PRELID2: variants seen among roughly 807,000 people sequenced by gnomAD.
PRELID2 encodes the protein PRELI domain-containing protein 2.
Under a neutral mutation model 28.4 loss-of-function variants are expected in PRELID2, and 25 were observed. That is an observed-to-expected ratio of 0.88 (90% confidence interval 0.64 to 1.23). The LOEUF (loss-of-function observed/expected upper bound fraction) is 1.23. Ranked by LOEUF, PRELID2 falls within the 50% of genes most tolerant of loss-of-function variation. The pLI, the probability that PRELID2 is intolerant of heterozygous loss-of-function variation, is 0.00. For synonymous variants in PRELID2, 76 were observed against 71.6 expected (o/e 1.06, Z -0.31); for missense variants, 201 against 214.4 (o/e 0.94, Z 0.39).
chr5:145,343,001 G>A, the PRELID2 span, among the ~76,000 whole-genome samples: 1 of 150,240 alleles, frequency 6.7e-6, no homozygotes, highest in Non-Finnish European at 1.5e-5. Context: ...TCCAACACTA[G>A]AATACCTAGA....
At chr5:145,789,053 T>G (rs1752193456) in intron 5 of PRELID2, among the ~76,000 whole-genome samples, 1 of 152,148 alleles carries the variant, frequency 6.6e-6, no homozygotes. Context: ...GAATTAATAT[T>G]GCTAACTTAT....
the PRELID2 span, among the ~76,000 whole-genome samples, chr5:145,367,787 C>T: frequency 4.6e-5 from 7 of 151,760 alleles, no homozygotes; most frequent in South Asian, 2.1e-4. Flanking sequence ...GGCTTGATAG[C>T]GCATGTCTTT....
At position 145,784,925 on chromosome 5, in the gene PRELID2, T is replaced by C. The variant is rs150986935; in HGVS notation, c.474+11517A>G. ...GAATGATTTTATCTTACTTGCACTT[T>C]AATTAAAAATTGAAAATGAATATTT... On this transcript the variant is annotated intron_variant, in intron 5 of 6. Coordinates refer to ENST00000683046, the MANE Select transcript of PRELID2 (RefSeq NM_205846.3). Among the ~76,000 whole-genome samples, 16 of 152,236 alleles carry C rather than the reference T, an allele frequency of 1.1e-4. No homozygotes were observed. The East Asian group carries it at 2.5e-3, about 24-fold the overall frequency.
At chr5:145,818,959 G>A (rs1015469252) in intron 3 of PRELID2, among the ~76,000 whole-genome samples, 4 of 152,068 alleles carry the variant, frequency 2.6e-5, no homozygotes, top group African/African-American at 7.2e-5. Flanking sequence ...ACTGAATCAC[G>A]GGGGCGGGTT....
At chr5:145,658,708 C>T (rs1754436961) in intron 1 of PRELID2, among the ~76,000 whole-genome samples, 1 of 152,198 alleles carries the variant, frequency 6.6e-6, no homozygotes, top group African/African-American at 2.4e-5. Context: ...GCCAATGCTG[C>T]TGCCATGATT....
At chr5:145,617,018 T>C (rs1192328301) in intron 1 of PRELID2, among the ~76,000 whole-genome samples, 2 of 152,240 alleles carry the variant, frequency 1.3e-5, no homozygotes, top group Admixed American at 1.3e-4. Flanking sequence ...AATTCAGTGG[T>C]ATTTCTCCCA....
intron 1 of PRELID2, among the ~76,000 whole-genome samples, chr5:145,528,505 T>A (rs896498945): frequency 1.9e-4 from 29 of 151,820 alleles, no homozygotes; most frequent in African/African-American, 6.3e-4. Context: ...AGAGAGCACA[T>A]ACATGCAAAG....
chr5:145,665,537 A>G (rs1466539402), intron 1 of PRELID2, among the ~76,000 whole-genome samples: 1 of 152,066 alleles, frequency 6.6e-6, no homozygotes, highest in East Asian at 1.9e-4. Context: ...TAACACTCAT[A>G]TCTAATCACA....
chr5:145,699,296 G>C lies in PRELID2; in HGVS notation n.70+65635C>G, dbSNP rs141437287. The stretch of plus-strand genomic sequence containing the variant: ...GCCTTGCTGCAATGTTCACATGTCA[G>C]AACGCTGAGGATTTGGGAAAACTGG... On this transcript the variant is annotated intron_variant and non_coding_transcript_variant, in intron 1 of 2. Coordinates refer to the PRELID2 transcript ENST00000510259. Among the ~76,000 whole-genome samples the C allele has an allele frequency of 1.7e-4, 26 of 152,222 alleles. 1 individual carries two copies. Among genetic ancestry groups the C allele is most frequent in the Middle Eastern group, 3.4e-3 (1 of 294 alleles).
the PRELID2 span, among the ~76,000 whole-genome samples, chr5:145,425,135 A>G: frequency 6.6e-6 from 1 of 152,168 alleles, no homozygotes; most frequent in Non-Finnish European, 1.5e-5. Flanking sequence ...AGACATACGT[A>G]TGGCCAAGAA....
chr5:145,316,028 T>C, the PRELID2 span, among the ~76,000 whole-genome samples: 2 of 152,218 alleles, frequency 1.3e-5, no homozygotes, highest in South Asian at 4.1e-4. Context: ...GGAAATACTA[T>C]ATAATGGTGG....
At chr5:145,336,420 G>A in the PRELID2 span, among the ~76,000 whole-genome samples, 1 of 151,640 alleles carries the variant, frequency 6.6e-6, no homozygotes, top group African/African-American at 2.4e-5. Flanking sequence ...TAACGTTTAA[G>A]TCTTTAATCC....
intron 1 of PRELID2, among the ~76,000 whole-genome samples, chr5:145,833,079 A>T (rs1413363620): frequency 1.3e-5 from 2 of 152,192 alleles, no homozygotes; most frequent in Non-Finnish European, 2.9e-5. Flanking sequence ...ACATTTTTCT[A>T]GCACTTAACA....
At chr5:145,332,666 T>G in the PRELID2 span, among the ~76,000 whole-genome samples, 1 of 152,056 alleles carries the variant, frequency 6.6e-6, no homozygotes, top group South Asian at 2.1e-4. Flanking sequence ...TAGCAATTCT[T>G]CTAACCTTTT....
At position 145,514,874 on chromosome 5, in the gene PRELID2, A is replaced by G. The variant is rs149737516; in HGVS notation, n.71-41559T>C. 1.7e-3 allele frequency among the ~76,000 whole-genome samples: 259 copies of G among 152,354 alleles called. 2 individuals are homozygous for G. The highest frequency in any genetic ancestry group is 0.015 in the East Asian group (77 of 5,190). ...AACTCACTCAAAACCGCACAACTACATGGAAACTGAACAACCTGCTCCTGA... is the reference window on the plus strand; with the variant it reads ...AACTCACTCAAAACCGCACAACTACGTGGAAACTGAACAACCTGCTCCTGA... On this transcript the variant is annotated intron_variant and non_coding_transcript_variant, in intron 1 of 2. Coordinates refer to the PRELID2 transcript ENST00000510259.
chr5:145,521,866 T>G (rs887485730), intron 1 of PRELID2, among the ~76,000 whole-genome samples: 1 of 152,192 alleles, frequency 6.6e-6, no homozygotes, highest in Non-Finnish European at 1.5e-5. Flanking sequence ...ATTTACCATA[T>G]AGATAGAAAG....
At chr5:145,713,555 T>TTATATATACTTTATATATATACACTAAAG (rs1561554246) in intron 1 of PRELID2, among the ~76,000 whole-genome samples, 84 of 142,114 alleles carry the variant, frequency 5.9e-4, no homozygotes, top group African/African-American at 1.5e-3. Context: ...TATATACTTT[T>TTATATATACTTTATATATATACACTAAAG]TATATATACT....
intron 1 of PRELID2, among the ~76,000 whole-genome samples, chr5:145,549,019 C>G (rs1192355865): frequency 6.6e-6 from 1 of 152,202 alleles, no homozygotes; most frequent in Non-Finnish European, 1.5e-5. Flanking sequence ...CCCCAATACT[C>G]TTCTCCTGTC....
the PRELID2 span, among the ~76,000 whole-genome samples, chr5:145,251,411 C>T: frequency 1.3e-5 from 2 of 152,140 alleles, no homozygotes; most frequent in African/African-American, 4.8e-5. Context: ...TCACCAGACT[C>T]TTGCCTTCTG....
Sources: gnomAD v4.1 joint callset for allele counts (sites outside exome capture counted in the v4.1 genomes callset) on GRCh38, gnomAD v4.1.1 for gene constraint, MANE v1.5 for transcripts, NCBI Gene and HGNC (gene_info 2026-07-23, HGNC 2026-07-21) for gene names.